Variants in RTN4 observed in about 807,000 individuals in gnomAD.
RTN4 encodes the protein reticulon 4.
A neutral mutation model predicts 90.4 loss-of-function variants in RTN4; 32 were observed. The observed-to-expected ratio is 0.35, with a 90% CI of 0.27 to 0.48. The LOEUF is 0.48. RTN4 is among the 20% of genes least tolerant of loss of function. RTN4 has a pLI of 0.99. For missense variants in RTN4, 1,706 were observed against 1,430.2 expected, an observed-to-expected ratio of 1.19 and a Z score of -3.11; for synonymous variants, 629 against 552.5, an observed-to-expected ratio of 1.14 and a Z score of -1.94.
At chr2:54,981,888 TA>T (rs1678160669) in intron 5 of RTN4, among the ~76,000 whole-genome samples, 1 of 151,956 alleles carries the variant, frequency 6.6e-6, no homozygotes. Context: ...TTTATGCTTA[TA>T]GTCAAAATTC....
Position 55,095,003 on chromosome 2 carries a change from T to A in RTN4, c.-213-14364A>T, listed in dbSNP as rs147738990. The stretch of plus-strand genomic sequence containing the variant: ...TGTATTTCCCGTATTATCGCCATAC[T>A]CCATCCACACAACATGCAATATCCA... On this transcript the variant is annotated intron_variant, in intron 1 of 3. Coordinates refer to the RTN4 transcript ENST00000427710. Among the ~76,000 whole-genome samples, 72 of 152,192 alleles carry A rather than the reference T, an allele frequency of 4.7e-4. 1 individual carries two copies. In the East Asian group the frequency reaches 0.012, roughly 26 times the overall value.
chr2:54,993,048 T>C (rs1198387386), intron 3 of RTN4, among the ~76,000 whole-genome samples: 4 of 130,268 alleles, frequency 3.1e-5, no homozygotes, highest in African/African-American at 6.2e-5. Flanking sequence ...CACTCCAGCC[T>C]GGGCAACAGA....
At chr2:55,036,517 G>A (rs572360087) in intron 1 of RTN4, among the ~76,000 whole-genome samples, 12 of 140,498 alleles carry the variant, frequency 8.5e-5, no homozygotes, top group Non-Finnish European at 1.0e-4. Context: ...CACAAGAAAC[G>A]CTTGAAACCA....
intron 1 of RTN4, among the ~76,000 whole-genome samples, chr2:55,093,311 A>G (rs1009722259): frequency 2.0e-5 from 3 of 152,006 alleles, no homozygotes; most frequent in Non-Finnish European, 4.4e-5. Context: ...GGCTAAATGC[A>G]TGTATACCTG....
chr2:54,991,684 A>G (rs1461335466), intron 3 of RTN4, among the ~76,000 whole-genome samples: 1 of 152,234 alleles, frequency 6.6e-6, no homozygotes, highest in Non-Finnish European at 1.5e-5. Flanking sequence ...ATCTGTGCTC[A>G]ATATAATTTT....
rs946051661 is a variant in RTN4 at position 55,025,287 on chromosome 2, A to T, written c.2812T>A (p.Phe938Ile). The T allele has an allele frequency of 6.2e-7, 1 of 1,613,908 alleles. No individual in the cohort carries two copies. The highest frequency in any genetic ancestry group is 1.3e-5 in the African/African-American group (1 of 75,026). Residue 938 changes from phenylalanine (F) to isoleucine (I), a missense_variant, in exon 3 of 9, where the codon TTT becomes ATT. By Grantham distance (21) the Phe-to-Ile change is conservative. Transcript: ENST00000337526. ...VEEKISFSDD[F>I]SKNGSATSKV... The stretch of plus-strand genomic sequence containing the variant: ...GATGTAGCAGACCCATTTTTAGAAA[A>T]GTCATCTGAGAAACTGATTTTCTCT...
chr2:55,064,502 C>T (rs921193803), intron 2 of RTN4, among the ~76,000 whole-genome samples: 1 of 151,972 alleles, frequency 6.6e-6, no homozygotes, highest in Non-Finnish European at 1.5e-5. Context: ...AGGTGCCTGC[C>T]ACGACACCCA....
At chr2:55,013,458 G>A (rs967045619) in intron 3 of RTN4, among the ~76,000 whole-genome samples, 2 of 151,876 alleles carry the variant, frequency 1.3e-5, no homozygotes, top group African/African-American at 4.8e-5. Context: ...TTACCTACAC[G>A]GTTTCTTTTC....
At chr2:54,995,138 G>T (rs1016085553) in intron 3 of RTN4, among the ~76,000 whole-genome samples, 4 of 151,944 alleles carry the variant, frequency 2.6e-5, no homozygotes, top group African/African-American at 4.8e-5. Flanking sequence ...TACTCGGGAG[G>T]CTGAGGCAGG....
At chr2:55,072,267 T>TCTCCCAGGCTGGAGTGCAGTGG (rs1668527967) in intron 2 of RTN4, among the ~76,000 whole-genome samples, 1 of 151,718 alleles carries the variant, frequency 6.6e-6, no homozygotes, top group African/African-American at 2.4e-5. Context: ...CCTCGTTCTG[T>TCTCCCAGGCTGGAGTGCAGTGG]CTCCCAGGCT....
In RTN4 at chr2:55,025,290, C is replaced by T; in HGVS notation, c.2809G>A (p.Asp937Asn). 1 of 1,613,856 alleles carries T rather than the reference C, an allele frequency of 6.2e-7. No individual in the cohort carries two copies. The highest frequency in any genetic ancestry group is 2.2e-5 in the East Asian group (1 of 44,872). ...KVEEKISFSD[D>N]FSKNGSATSK... The stretch of plus-strand genomic sequence containing the variant: ...GTAGCAGACCCATTTTTAGAAAAGT[C>T]ATCTGAGAAACTGATTTTCTCTTCA... Residue 937 changes from aspartate to asparagine, a missense_variant, in exon 3 of 9, where the codon GAC becomes AAC. Coordinates refer to ENST00000337526, the MANE Select transcript of RTN4 (RefSeq NM_020532.5).
At chr2:55,115,561 T>A (rs1484067262), upstream of RTN4, among the ~76,000 whole-genome samples, 5 of 152,140 alleles carry the variant, frequency 3.3e-5, no homozygotes. Flanking sequence ...AGAGATAACA[T>A]CCTTATCACA....
upstream of RTN4, among the ~76,000 whole-genome samples, chr2:55,053,261 T>C (rs568457368): frequency 1.7e-4 from 26 of 152,354 alleles, no homozygotes; most frequent in South Asian, 5.2e-3. Context: ...TAGTTATACA[T>C]TGTTGTAACT....
chr2:55,058,232 C>T (rs1047829765), intron 2 of RTN4, among the ~76,000 whole-genome samples: 3 of 151,982 alleles, frequency 2.0e-5, no homozygotes, highest in African/African-American at 4.8e-5. Context: ...ATCTTCTATT[C>T]TTTAGATTCT....
the RTN4 span, among the ~76,000 whole-genome samples, chr2:55,132,658 A>C: frequency 0.25 from 38,585 of 151,610 alleles, 5,155 homozygotes; most frequent in Middle Eastern, 0.32. Flanking sequence ...CAAAAAATAC[A>C]AAAATTAGCC....
chr2:55,058,003 A>G (rs1446616717), intron 2 of RTN4, among the ~76,000 whole-genome samples: 1 of 152,022 alleles, frequency 6.6e-6, no homozygotes, highest in African/African-American at 2.4e-5. Context: ...TAAATAAATA[A>G]TAGAGTAGTT....
At chr2:54,982,708 T>C (rs554091599) in intron 4 of RTN4, 55 bp from the exon 5 acceptor site, 5 of 1,524,672 alleles carry the variant, frequency 3.3e-6, no homozygotes, top group East Asian at 2.3e-5. Context: ...TTCCCCTAAA[T>C]GTCAATCAGA....
chr2:55,006,970 G>C (rs1680273193), intron 3 of RTN4, among the ~76,000 whole-genome samples: 1 of 151,942 alleles, frequency 6.6e-6, no homozygotes, highest in African/African-American at 2.4e-5. Context: ...CTCTGCATTT[G>C]ACTCCCAATT....
rs1681962716 is a variant in RTN4 at position 55,027,181 on chromosome 2, GAC to G, written c.916_917del (p.Val306LeufsTer14). The G allele has an allele frequency of 6.2e-7, 1 of 1,613,526 alleles. No homozygotes were observed. The highest frequency in any genetic ancestry group is 8.5e-7 in the Non-Finnish European group (1 of 1,179,738). On this transcript the variant is annotated frameshift_variant, in exon 3 of 9. Coordinates refer to ENST00000337526, the MANE Select transcript of RTN4 (RefSeq NM_020532.5). LOFTEE classifies it high-confidence loss of function. Reference sequence around the variant, plus strand: ...TTACGGCAGATTCTGCTTTTGGAGAGACACTGAACGATGATCCCATTTCTGAG... The same window carrying G: ...TTACGGCAGATTCTGCTTTTGGAGAGACTGAACGATGATCCCATTTCTGAG... Reference protein sequence around the residue: ...EYSEMGSSFSVSPKAESAVIV... With the variant: ...EYSEMGSSFSXSPKAESAVIV...
Sources: allele counts gnomAD v4.1 joint callset (sites outside exome capture counted in the v4.1 genomes callset), GRCh38; gene constraint gnomAD v4.1.1; transcripts MANE v1.5; gene names NCBI Gene and HGNC (gene_info 2026-07-23, HGNC 2026-07-21).